Variants in ALMS1 observed in about 807,000 individuals in gnomAD.
ALMS1 encodes the protein ALMS1 centrosome and basal body associated protein, also known as centrosome-associated protein ALMS1.
In ALMS1, 271 loss-of-function variants were observed where a neutral mutation model predicts 352.2. That is an observed-to-expected ratio of 0.77 (90% CI 0.70 to 0.85). ALMS1 has a LOEUF of 0.85. Ranked by LOEUF, ALMS1 falls within the 40% of genes least tolerant of loss-of-function variation. The probability of loss-of-function intolerance (pLI) is 0.00; values close to 1 mark genes in which losing one functional copy is unlikely to be tolerated. For synonymous variants in ALMS1, 1,865 were observed against 1,761.2 expected, an observed-to-expected ratio of 1.06 and a Z score of -1.48; for missense variants, 5,445 against 4,870.7, an observed-to-expected ratio of 1.12 and a Z score of -3.51.
At chr2:73,574,351 T>G (rs554825921) in intron 16 of ALMS1, among the ~76,000 whole-genome samples, 1 of 152,318 alleles carries the variant, frequency 6.6e-6, no homozygotes, top group South Asian at 2.1e-4. Context: ...GAAGGATGCT[T>G]GCAAAATGGT....
chr2:73,542,929 G>A (rs1486453492), intron 12 of ALMS1, among the ~76,000 whole-genome samples: 20 of 152,020 alleles, frequency 1.3e-4, no homozygotes, highest in Admixed American at 2.6e-4. Context: ...TGTGAAAATG[G>A]CCATACTGCC....
intron 10 of ALMS1, among the ~76,000 whole-genome samples, chr2:73,493,486 G>A (rs1673035053): frequency 1.3e-5 from 2 of 151,878 alleles, no homozygotes; most frequent in African/African-American, 4.8e-5. Context: ...ACTTTGGGAG[G>A]CCAAGGTGGG....
At chr2:73,559,235 G>A (rs1194153676) in intron 15 of ALMS1, 93 bp downstream of exon 15, 4 of 1,469,764 alleles carry the variant, frequency 2.7e-6, no homozygotes, top group Non-Finnish European at 3.7e-6. Context: ...TGAGAATATA[G>A]CCTCATGATT....
At chr2:73,595,957 T>C (rs1186859112) in intron 16 of ALMS1, among the ~76,000 whole-genome samples, 5 of 152,362 alleles carry the variant, frequency 3.3e-5, no homozygotes, top group Admixed American at 1.3e-4. Context: ...TTTAAATCTT[T>C]TTGCCCATTT....
intron 1 of ALMS1, among the ~76,000 whole-genome samples, chr2:73,400,084 T>A (rs1179516228): frequency 1.3e-5 from 2 of 151,934 alleles, no homozygotes; most frequent in East Asian, 1.9e-4. Context: ...ACCACAGGCA[T>A]GTGCCACCAT....
intron 9 of ALMS1, among the ~76,000 whole-genome samples, chr2:73,465,549 A>G (rs1435231035): frequency 2.6e-5 from 4 of 152,242 alleles, no homozygotes; most frequent in Non-Finnish European, 2.9e-5. Context: ...AAGAAAACCT[A>G]GGCAATACCA....
chr2:73,565,952 G>A (rs549864306), intron 15 of ALMS1, among the ~76,000 whole-genome samples: 1 of 152,158 alleles, frequency 6.6e-6, no homozygotes, highest in East Asian at 1.9e-4. Flanking sequence ...ATAGAATCCT[G>A]GAACAGAAAA....
chr2:73,557,646 C>G (rs17848867), intron 14 of ALMS1, among the ~76,000 whole-genome samples: 2 of 152,038 alleles, frequency 1.3e-5, no homozygotes, highest in Non-Finnish European at 2.9e-5. Flanking sequence ...TTTTTACCTC[C>G]GCTGATAAAA....
intron 16 of ALMS1, among the ~76,000 whole-genome samples, chr2:73,591,071 A>C (rs946856851): frequency 4.6e-5 from 7 of 152,048 alleles, no homozygotes; most frequent in African/African-American, 1.7e-4. Context: ...AAGCCTTCTG[A>C]GTAGCTGGGA....
chr2:73,517,575 A>G (rs1428462370), intron 10 of ALMS1, among the ~76,000 whole-genome samples: 1 of 152,028 alleles, frequency 6.6e-6, no homozygotes, highest in Non-Finnish European at 1.5e-5. Flanking sequence ...TAGAGTTACA[A>G]AAAAGAAACA....
In ALMS1 at chr2:73,601,415, A is replaced by G. The variant is rs758682688; in HGVS notation, c.12093A>G (p.Pro4031=). 16 of 1,614,002 alleles carry G rather than the reference A, an allele frequency of 9.9e-6. No homozygotes were observed. In the Admixed American group the frequency reaches 1.0e-4, roughly 10 times the overall value. The change falls in exon 19 of 23, where the codon CCA becomes CCG. Residue 4031 remains proline (P), a synonymous_variant. Transcript: ENST00000613296. ...GREAGRDLLR[P]FVRATLQESL... The stretch of plus-strand genomic sequence containing the variant: ...AGGCTGGCAGAGACCTACTGAGGCC[A>G]TTTGTGAGAGCAACCCTTCAGGTGC...
intron 12 of ALMS1, among the ~76,000 whole-genome samples, chr2:73,549,559 T>A (rs979626142): frequency 6.6e-6 from 1 of 152,204 alleles, no homozygotes; most frequent in African/African-American, 2.4e-5. Flanking sequence ...TTTAAATACT[T>A]CTTTTCTTTG....
At chr2:73,598,346 C>A (rs1282935464) in intron 16 of ALMS1, among the ~76,000 whole-genome samples, 1 of 151,992 alleles carries the variant, frequency 6.6e-6, no homozygotes. Context: ...ATCTGCTCAT[C>A]TTTTTTTTCA....
intron 9 of ALMS1, among the ~76,000 whole-genome samples, chr2:73,487,002 AGT>A (rs769688779): frequency 4.6e-5 from 7 of 152,174 alleles, no homozygotes; most frequent in Non-Finnish European, 1.0e-4. Flanking sequence ...CTTCAGTGAT[AGT>A]GCCACAGCAT....
chr2:73,564,026 TGTG>T (rs1298621142), intron 15 of ALMS1, among the ~76,000 whole-genome samples: 1 of 151,804 alleles, frequency 6.6e-6, no homozygotes, highest in Non-Finnish European at 1.5e-5. Context: ...ATGAGGTTGA[TGTG>T]GGGTGTGTGT....
intron 16 of ALMS1, among the ~76,000 whole-genome samples, chr2:73,598,261 G>T (rs747667856): frequency 2.0e-5 from 3 of 152,152 alleles, no homozygotes; most frequent in Admixed American, 6.5e-5. Flanking sequence ...AGCCAGTAAA[G>T]TGACCTTATG....
intron 10 of ALMS1, among the ~76,000 whole-genome samples, chr2:73,515,503 G>A (rs1673536783): frequency 6.6e-6 from 1 of 151,866 alleles, no homozygotes; most frequent in African/African-American, 2.4e-5. Flanking sequence ...TAGAGATTGA[G>A]GGTATTTGCA....
At position 73,572,341 on chromosome 2, in the gene ALMS1, A is replaced by G. The variant is rs28730858; in HGVS notation, c.10464A>G (p.Val3488=). Residue 3488 remains valine, a synonymous_variant, in exon 16 of 23, where the codon GTA becomes GTG. Coordinates refer to ENST00000613296, the MANE Select transcript of ALMS1 (RefSeq NM_001378454.1). ...RSAKFYIHHP[V]HLPSDQDICH... The stretch of plus-strand genomic sequence containing the variant: ...CAAAGTTTTACATTCATCATCCCGT[A>G]CACCTACCAAGTGATCAAGATATTT... 4.9e-4 allele frequency: 788 copies of G among 1,608,156 alleles called. 6 individuals carry two copies. In the African/African-American group the frequency reaches 9.5e-3, roughly 19 times the overall value.
intron 9 of ALMS1, among the ~76,000 whole-genome samples, chr2:73,478,065 G>A (rs1443734384): frequency 6.6e-6 from 1 of 152,122 alleles, no homozygotes; most frequent in African/African-American, 2.4e-5. Context: ...AAAGCATCTA[G>A]CTTTTCATTA....
Sources: gnomAD v4.1 joint callset for allele counts (sites outside exome capture counted in the v4.1 genomes callset) on GRCh38, gnomAD v4.1.1 for gene constraint, MANE v1.5 for transcripts, NCBI Gene and HGNC (gene_info 2026-07-23, HGNC 2026-07-21) for gene names.